The following PM20D2 variants were observed in gnomAD, a reference collection of about 807,000 sequenced individuals.
The protein encoded by PM20D2 is xaa-Arg dipeptidase.
A neutral mutation model predicts 42.9 loss-of-function variants in PM20D2; 33 were observed. The ratio of observed to expected loss-of-function variants is 0.77; its 90% CI spans 0.58 to 1.03. The LOEUF is 1.03. Ranked by LOEUF, PM20D2 falls within the 50% of genes least tolerant of loss-of-function variation. The pLI is 0.00. For synonymous variants in PM20D2, 250 were observed against 228.2 expected, an observed-to-expected ratio of 1.10 and a Z score of -0.86; for missense variants, 548 against 557.0, an observed-to-expected ratio of 0.98 and a Z score of 0.16.
At chr6:89,126,406 C>T in the PM20D2 span, among the ~76,000 whole-genome samples, 2 of 151,932 alleles carry the variant, frequency 1.3e-5, no homozygotes, top group African/African-American at 4.8e-5. Context: ...AAAAAAAAGG[C>T]CTGGCATGGT....
In PM20D2 at chr6:89,149,364, C is replaced by T; in HGVS notation, c.565C>T (p.His189Tyr). ...FTNLDVVFMAHPSQENAAYLP... is the reference protein window; with the variant it reads ...FTNLDVVFMAYPSQENAAYLP... ...AAATCTTGATGTTGTTTTTATGGCC[C>T]ACCCATCACAAGAGAATGCTGCTTA... The change falls in exon 2 of 7, where the codon CAC becomes TAC. Residue 189 changes from histidine to tyrosine, a missense_variant. This residue lies in a region of PM20D2 where 470 missense variants were observed against 464.4 expected (regional missense o/e 1.01). Coordinates refer to ENST00000275072, the MANE Select transcript of PM20D2 (RefSeq NM_001010853.3). The T allele has an allele frequency of 6.2e-7, 1 of 1,613,994 alleles. No homozygotes were observed. The highest frequency in any genetic ancestry group is 8.5e-7 in the Non-Finnish European group (1 of 1,179,964).
At chr6:89,141,310 C>T (rs139953010), upstream of PM20D2, among the ~76,000 whole-genome samples, 217 of 152,232 alleles carry the variant, frequency 1.4e-3, 1 homozygote, top group African/African-American at 5.2e-3. Flanking sequence ...CATTTCTGCC[C>T]ACGGAATGTT....
rs1448612050 is a variant in PM20D2 at position 89,158,444 on chromosome 6, G to A, written c.1032G>A (p.Met344Ile). ...LGIEFISEDT[M>I]LNGPSGSTDF... ...TAGAGTTCATTTCAGAAGATACAAT[G>A]TTGAATGGCCCTTCAGGTAATTAAG... Residue 344 changes from methionine to isoleucine, a missense_variant, in exon 5 of 7, where the codon ATG (methionine) becomes ATA (isoleucine). By Grantham distance (10) the Met-to-Ile change is conservative. This residue lies in a region of PM20D2 where 470 missense variants were observed against 464.4 expected (regional missense o/e 1.01). Transcript: ENST00000275072. 6.2e-7 allele frequency: 1 copy of A among 1,606,122 alleles called. No individual in the cohort carries two copies. The highest frequency in any genetic ancestry group is 8.5e-7 in the Non-Finnish European group (1 of 1,178,510).
At chr6:89,131,828 G>C in the PM20D2 span, among the ~76,000 whole-genome samples, 1 of 152,226 alleles carries the variant, frequency 6.6e-6, no homozygotes, top group African/African-American at 2.4e-5. Flanking sequence ...CCTCTAGCCA[G>C]AGTCAGTAGT....
At chr6:89,117,983 C>T in the PM20D2 span, 2 of 1,313,950 alleles carry the variant, frequency 1.5e-6, no homozygotes, top group Non-Finnish European at 2.1e-6. Context: ...TCCGCCGGCC[C>T]CCGGCGCGAC....
chr6:89,153,207 T>C (rs1770914030), intron 3 of PM20D2, 22 bp downstream of exon 3: 1 of 1,542,614 alleles, frequency 6.5e-7, no homozygotes, highest in Non-Finnish European at 8.7e-7. Flanking sequence ...AAATACCTTC[T>C]ATAATAGATG....
the PM20D2 span, chr6:89,097,580 C>T: frequency 6.6e-6 from 1 of 151,984 alleles, no homozygotes; most frequent in Non-Finnish European, 1.5e-5. Context: ...TCTCAATCTC[C>T]TGGCCTCAAG....
chr6:89,098,699 C>G, the PM20D2 span: 5 of 1,613,946 alleles, frequency 3.1e-6, no homozygotes, highest in Non-Finnish European at 4.2e-6. Flanking sequence ...ACACGGGGAT[C>G]TTGCTATTGA....
intron 3 of PM20D2, among the ~76,000 whole-genome samples, chr6:89,153,663 T>C (rs1191622655): frequency 6.6e-6 from 1 of 152,176 alleles, no homozygotes; most frequent in African/African-American, 2.4e-5. Context: ...AGTGGTGCAA[T>C]CTCGGCTCAC....
the PM20D2 span, among the ~76,000 whole-genome samples, chr6:89,124,752 T>TTTTTTTG: frequency 6.7e-6 from 1 of 148,720 alleles, no homozygotes. Context: ...TTTTTTTTTT[T>TTTTTTTG]CAATTCGGGG....
the PM20D2 span, among the ~76,000 whole-genome samples, chr6:89,117,407 G>A: frequency 3.6e-3 from 552 of 152,332 alleles, 3 homozygotes; most frequent in Non-Finnish European, 6.0e-3. Flanking sequence ...CATCTAGGAG[G>A]GTTGGATGCG....
chr6:89,160,120 T>C (rs904590740), intron 5 of PM20D2, among the ~76,000 whole-genome samples: 11 of 152,326 alleles, frequency 7.2e-5, no homozygotes, highest in African/African-American at 2.6e-4. Flanking sequence ...CTTTAAACAC[T>C]GGAGAGGCTT....
At chr6:89,098,457 A>G in the PM20D2 span, 5 of 1,270,768 alleles carry the variant, frequency 3.9e-6, no homozygotes, top group Non-Finnish European at 5.2e-6. Context: ...TATTTCTTCC[A>G]TATGCCCAAA....
chr6:89,146,176 G>A lies in PM20D2; in HGVS notation c.32G>A (p.Gly11Glu). 1 of 1,528,490 alleles carries A rather than the reference G, an allele frequency of 6.5e-7. No individual in the cohort carries two copies. The highest frequency in any genetic ancestry group is 1.4e-5 in the African/African-American group (1 of 70,314). The allele number at this position is 1,528,490 out of a possible 1,614,324, so 94.7% of individuals were successfully genotyped here. A position where few individuals can be genotyped will look rare whatever the true frequency, so the allele number is the denominator to read the frequency against. MRPGGERPVE[G>E]GACNGRSELE... Reference sequence around the variant, plus strand: ...CCCGGAGGGGAGCGGCCCGTGGAAGGGGGCGCGTGCAATGGCCGCTCCGAG... The same window carrying A: ...CCCGGAGGGGAGCGGCCCGTGGAAGAGGGCGCGTGCAATGGCCGCTCCGAG... Residue 11 changes from glycine (G) to glutamate (E), a missense_variant, in exon 1 of 7, where the codon GGG becomes GAG. Transcript: ENST00000275072.
chr6:89,140,461 T>C, the PM20D2 span, among the ~76,000 whole-genome samples: 1 of 151,036 alleles, frequency 6.6e-6, no homozygotes, highest in Non-Finnish European at 1.5e-5. Flanking sequence ...AACCATGGTA[T>C]GTACACAGTC....
At chr6:89,117,764 G>C in the PM20D2 span, 4 of 1,485,004 alleles carry the variant, frequency 2.7e-6, no homozygotes, top group South Asian at 5.1e-5. Flanking sequence ...CGTGCTCCGC[G>C]GCGCGGCTGT....
upstream of PM20D2, among the ~76,000 whole-genome samples, chr6:89,144,490 T>G (rs1235810673): frequency 1.3e-5 from 2 of 152,168 alleles, no homozygotes; most frequent in African/African-American, 2.4e-5. Flanking sequence ...TGGCTGAAAG[T>G]CAGCCACTGG....
the PM20D2 span, among the ~76,000 whole-genome samples, chr6:89,140,722 C>T: frequency 6.6e-6 from 1 of 152,146 alleles, no homozygotes; most frequent in Non-Finnish European, 1.5e-5. Context: ...ACCTCCCTGT[C>T]CTCATTTCCA....
chr6:89,117,939 C>T, the PM20D2 span: 170 of 1,521,024 alleles, frequency 1.1e-4, no homozygotes, highest in African/African-American at 2.1e-3. Flanking sequence ...GGACTCGCTC[C>T]GTCTCCCGCT....
Sources: gnomAD v4.1 joint callset for allele counts (sites outside exome capture counted in the v4.1 genomes callset) on GRCh38, gnomAD v4.1.1 for gene constraint, gnomAD v4.1.1 regional missense constraint, MANE v1.5 for transcripts, NCBI Gene and HGNC (gene_info 2026-07-23, HGNC 2026-07-21) for gene names.